The following HCN1 variants were observed in gnomAD, a reference collection of about 807,000 sequenced individuals.
HCN1 encodes the protein potassium/sodium hyperpolarization-activated cyclic nucleotide-gated channel 1.
Under a neutral mutation model 78.9 loss-of-function variants are expected in HCN1, and 13 were observed. That is an observed-to-expected ratio of 0.16 (90% confidence interval 0.11 to 0.26). HCN1 has a LOEUF of 0.26. Among genes scored for constraint, HCN1 ranks in the 10% least tolerant of loss-of-function variants. HCN1 has a pLI of 1.00. For missense variants in HCN1, 810 were observed against 1,154.3 expected, an observed-to-expected ratio of 0.70 and a Z score of 4.32; for synonymous variants, 552 against 455.5, an observed-to-expected ratio of 1.21 and a Z score of -2.70.
At chr5:45,644,408 T>C (rs762036136) in intron 2 of HCN1, 1 of 152,148 alleles carries the variant, frequency 6.6e-6, no homozygotes, top group Non-Finnish European at 1.5e-5. Flanking sequence ...ACTCCTTTGC[T>C]TGATGATGGT....
intron 2 of HCN1, among the ~76,000 whole-genome samples, chr5:45,497,263 C>G (rs1273333217): frequency 6.6e-6 from 1 of 151,916 alleles, no homozygotes; most frequent in South Asian, 2.1e-4. Flanking sequence ...TCCTTGTTGA[C>G]TTTCTGTCTC....
chr5:45,342,527 C>A (rs1020854777), intron 5 of HCN1, among the ~76,000 whole-genome samples: 1 of 151,880 alleles, frequency 6.6e-6, no homozygotes, highest in African/African-American at 2.4e-5. Context: ...CAGGTGTGAG[C>A]CACTGCTCCC....
At chr5:45,350,394 T>A (rs954624711) in intron 5 of HCN1, among the ~76,000 whole-genome samples, 8 of 152,138 alleles carry the variant, frequency 5.3e-5, no homozygotes, top group African/African-American at 1.7e-4. Flanking sequence ...AAGAGCTATC[T>A]ATGACAAACC....
intron 2 of HCN1, among the ~76,000 whole-genome samples, chr5:45,545,485 C>A (rs1378483597): frequency 5.3e-5 from 8 of 152,080 alleles, no homozygotes; most frequent in Admixed American, 2.0e-4. Context: ...GCTTTTGTTG[C>A]CATTGCTTTT....
chr5:45,443,566 A>AT (rs1370536235), intron 3 of HCN1, among the ~76,000 whole-genome samples: 2 of 152,104 alleles, frequency 1.3e-5, no homozygotes, highest in Non-Finnish European at 2.9e-5. Context: ...ATAGATAAGC[A>AT]TTTTTAGGAA....
intron 5 of HCN1, among the ~76,000 whole-genome samples, chr5:45,328,058 A>G (rs1381909112): frequency 6.6e-6 from 1 of 151,700 alleles, no homozygotes; most frequent in East Asian, 1.9e-4. Context: ...ATGTATCAGT[A>G]CAGTAGTCCC....
intron 4 of HCN1, among the ~76,000 whole-genome samples, chr5:45,395,487 T>G: frequency 6.6e-6 from 1 of 152,320 alleles, no homozygotes; most frequent in South Asian, 2.1e-4. Flanking sequence ...GCAGTATAAT[T>G]ATATTCAAGG....
chr5:45,659,252 TA>T (rs1344023494), intron 1 of HCN1, among the ~76,000 whole-genome samples: 2 of 136,968 alleles, frequency 1.5e-5, no homozygotes, highest in Non-Finnish European at 3.1e-5. Flanking sequence ...TCCTGTCTGT[TA>T]GAAGGAAAAC....
At chr5:45,432,224 C>A (rs1740478052) in intron 3 of HCN1, among the ~76,000 whole-genome samples, 1 of 152,048 alleles carries the variant, frequency 6.6e-6, no homozygotes, top group Non-Finnish European at 1.5e-5. Context: ...CCTGATTTGG[C>A]TCTCAGCTTG....
chr5:45,308,516 A>G (rs1400801406), intron 5 of HCN1, among the ~76,000 whole-genome samples: 1 of 152,074 alleles, frequency 6.6e-6, no homozygotes, highest in African/African-American at 2.4e-5. Context: ...ATGCTTGAAA[A>G]CAATTATATC....
chr5:45,548,445 C>G (rs1743276817), intron 2 of HCN1, among the ~76,000 whole-genome samples: 1 of 151,918 alleles, frequency 6.6e-6, no homozygotes. Flanking sequence ...TTATCAACAG[C>G]CCTTCATGCT....
intron 2 of HCN1, among the ~76,000 whole-genome samples, chr5:45,593,909 C>T (rs1744436733): frequency 6.6e-6 from 1 of 152,074 alleles, no homozygotes; most frequent in Non-Finnish European, 1.5e-5. Context: ...CTCCTGACTT[C>T]AAATGATCCA....
chr5:45,613,510 TTGG>T (rs1351801244), intron 2 of HCN1, among the ~76,000 whole-genome samples: 6 of 151,918 alleles, frequency 3.9e-5, no homozygotes, highest in Non-Finnish European at 8.8e-5. Context: ...TTTTACACTG[TTGG>T]TGGGACTGTA....
intron 2 of HCN1, among the ~76,000 whole-genome samples, chr5:45,535,218 T>A (rs1742941003): frequency 6.6e-6 from 1 of 152,066 alleles, no homozygotes; most frequent in Admixed American, 6.6e-5. Flanking sequence ...AACACAAACA[T>A]AAGAAATATG....
intron 4 of HCN1, among the ~76,000 whole-genome samples, chr5:45,392,310 A>G (rs1561138122): frequency 6.6e-6 from 1 of 152,172 alleles, no homozygotes; most frequent in Admixed American, 6.5e-5. Flanking sequence ...AGTTCTGATT[A>G]TGGGCCTTCA....
chr5:45,357,179 T>C (rs1393068487), intron 4 of HCN1, among the ~76,000 whole-genome samples: 2 of 152,102 alleles, frequency 1.3e-5, no homozygotes, highest in Non-Finnish European at 1.5e-5. Context: ...TTTATTCATG[T>C]TGCTGGAAAA....
intron 2 of HCN1, among the ~76,000 whole-genome samples, chr5:45,634,115 T>A (rs536658443): frequency 6.6e-6 from 1 of 152,078 alleles, no homozygotes; most frequent in Non-Finnish European, 1.5e-5. Context: ...TTTTATTGCT[T>A]ACTGGTGCCC....
intron 2 of HCN1, among the ~76,000 whole-genome samples, chr5:45,514,081 A>T (rs1742473103): frequency 3.3e-5 from 5 of 152,158 alleles, no homozygotes; most frequent in Admixed American, 3.3e-4. Flanking sequence ...AAAGGTTAAC[A>T]GTGGGAACAT....
At chr5:45,342,099 C>T (rs370922635) in intron 5 of HCN1, among the ~76,000 whole-genome samples, 11 of 151,910 alleles carry the variant, frequency 7.2e-5, no homozygotes, top group African/African-American at 2.7e-4. Context: ...CAACATGGCT[C>T]GTATCATTGC....
Sources: gnomAD v4.1 joint callset for allele counts (sites outside exome capture counted in the v4.1 genomes callset) on GRCh38, gnomAD v4.1.1 for gene constraint, MANE v1.5 for transcripts, NCBI Gene and HGNC (gene_info 2026-07-23, HGNC 2026-07-21) for gene names.